CDH12: variants seen among roughly 807,000 people sequenced by gnomAD.
CDH12 encodes cadherin 12.
CDH12 carries 41 observed loss-of-function variants against 74.1 expected under a neutral mutation model. That is an observed-to-expected ratio of 0.55 (90% CI 0.43 to 0.72). The LOEUF is 0.72. Among genes scored for constraint, CDH12 ranks in the 30% least tolerant of loss-of-function variants. The pLI is 0.00. For synonymous variants in CDH12, 399 were observed against 355.0 expected (o/e 1.12, Z -1.39); for missense variants, 945 against 977.2 (o/e 0.97, Z 0.44).
In CDH12 at chr5:22,020,523, C is replaced by T. The variant is rs933317606; in HGVS notation, c.232-45138G>A. ...GAGCTGAGATGGTGCCACTGCACTA[C>T]AGCCTGGGTGACAAGAGTGAGACTT... On this transcript the variant is annotated intron_variant, in intron 5 of 14. Coordinates refer to ENST00000382254, the MANE Select transcript of CDH12 (RefSeq NM_004061.5). Among the ~76,000 whole-genome samples, 4 of 148,298 alleles carry T rather than the reference C, an allele frequency of 2.7e-5. No individual in the cohort carries two copies. The East Asian group carries it at 8.0e-4, about 30-fold the overall frequency.
chr5:22,522,062 T>G (rs965313332), intron 1 of CDH12, among the ~76,000 whole-genome samples: 1 of 152,224 alleles, frequency 6.6e-6, no homozygotes, highest in African/African-American at 2.4e-5. Context: ...TCTGATTATT[T>G]CTCATATCAA....
chr5:22,480,232 G>T (rs1278522027), intron 2 of CDH12, among the ~76,000 whole-genome samples: 3 of 151,786 alleles, frequency 2.0e-5, no homozygotes, highest in African/African-American at 7.3e-5. Flanking sequence ...AAGAGTTTTG[G>T]TTTTTGACTT....
intron 4 of CDH12, among the ~76,000 whole-genome samples, chr5:22,097,597 A>G (rs1743865094): frequency 6.6e-6 from 1 of 152,046 alleles, no homozygotes; most frequent in Admixed American, 6.6e-5. Context: ...TTCCCTTATT[A>G]GGCTGAGACA....
At chr5:22,326,321 G>GC (rs1329275475) in intron 3 of CDH12, among the ~76,000 whole-genome samples, 2 of 151,662 alleles carry the variant, frequency 1.3e-5, no homozygotes, top group Non-Finnish European at 2.9e-5. Flanking sequence ...TGCAGGCTCC[G>GC]CCCCCCGGGG....
At chr5:22,251,895 A>T (rs1753148563) in intron 3 of CDH12, among the ~76,000 whole-genome samples, 1 of 152,148 alleles carries the variant, frequency 6.6e-6, no homozygotes, top group Non-Finnish European at 1.5e-5. Flanking sequence ...TGATTAAGAT[A>T]TTTTAAAAAT....
chr5:22,091,469 T>G (rs1466374817), intron 4 of CDH12, among the ~76,000 whole-genome samples: 1 of 151,728 alleles, frequency 6.6e-6, no homozygotes, highest in African/African-American at 2.4e-5. Context: ...TAATAGTGTC[T>G]GAAAGATAAA....
At chr5:21,949,311 C>A (rs1054276049) in intron 6 of CDH12, among the ~76,000 whole-genome samples, 1 of 151,748 alleles carries the variant, frequency 6.6e-6, no homozygotes, top group East Asian at 2.0e-4. Context: ...TTAGCCAGGC[C>A]TGGTGGGGGG....
At chr5:22,424,463 T>A (rs1163554349) in intron 2 of CDH12, among the ~76,000 whole-genome samples, 1 of 152,134 alleles carries the variant, frequency 6.6e-6, no homozygotes, top group Non-Finnish European at 1.5e-5. Flanking sequence ...CTCAACTGAG[T>A]GGTAACTGGC....
chr5:21,956,292 A>G (rs1252286177), intron 6 of CDH12, among the ~76,000 whole-genome samples: 1 of 152,004 alleles, frequency 6.6e-6, no homozygotes, highest in Non-Finnish European at 1.5e-5. Context: ...TGCAAAAAAT[A>G]AGGGCACAAA....
At chr5:22,706,382 T>G (rs1221770979) in intron 1 of CDH12, among the ~76,000 whole-genome samples, 1 of 152,034 alleles carries the variant, frequency 6.6e-6, no homozygotes, top group Non-Finnish European at 1.5e-5. Context: ...TCATAATTCA[T>G]TCATAAATCA....
chr5:22,126,981 G>C (rs569145008), intron 4 of CDH12, among the ~76,000 whole-genome samples: 6 of 152,288 alleles, frequency 3.9e-5, no homozygotes, highest in Admixed American at 3.9e-4. Flanking sequence ...GAATGAGGAA[G>C]CGAACATGTG....
At chr5:21,866,944 T>C (rs1350696178) in intron 6 of CDH12, among the ~76,000 whole-genome samples, 1 of 152,106 alleles carries the variant, frequency 6.6e-6, no homozygotes, top group Non-Finnish European at 1.5e-5. Flanking sequence ...TGGTGCTCTG[T>C]GTCCCAGACA....
chr5:22,844,998 C>T (rs1737237562), intron 1 of CDH12, among the ~76,000 whole-genome samples: 1 of 152,142 alleles, frequency 6.6e-6, no homozygotes, highest in Non-Finnish European at 1.5e-5. Flanking sequence ...TTAAGGCAAA[C>T]TTGAAAGGCC....
In CDH12 at chr5:22,821,962, C is replaced by T. The variant is rs370029926; in HGVS notation, c.-523+31096G>A. Among the ~76,000 whole-genome samples, 57 of 151,980 alleles carry T rather than the reference C, an allele frequency of 3.8e-4. 1 individual carries two copies. The East Asian group carries it at 7.0e-3, about 19-fold the overall frequency. ...CAAAAGAACAAAGCTGGAGGCATCA[C>T]GCTACCTGACTTCAAACTATACTAC... On this transcript the variant is annotated intron_variant, in intron 1 of 14. Transcript: ENST00000382254.
At chr5:21,908,024 GA>G (rs1324302342) in intron 6 of CDH12, among the ~76,000 whole-genome samples, 2 of 152,192 alleles carry the variant, frequency 1.3e-5, no homozygotes, top group Non-Finnish European at 1.5e-5. Flanking sequence ...GACCTGTTGA[GA>G]AAATGGACAA....
At chr5:22,717,896 T>C (rs1278677212) in intron 1 of CDH12, among the ~76,000 whole-genome samples, 1 of 152,140 alleles carries the variant, frequency 6.6e-6, no homozygotes, top group African/African-American at 2.4e-5. Flanking sequence ...GCCTAAAAAC[T>C]AATATCTACA....
At chr5:22,535,340 T>C (rs1225915361) in intron 1 of CDH12, among the ~76,000 whole-genome samples, 2 of 151,798 alleles carry the variant, frequency 1.3e-5, no homozygotes, top group Non-Finnish European at 2.9e-5. Flanking sequence ...GTATTTTTAG[T>C]AGAGACGGGG....
At chr5:21,916,234 T>C (rs774451201) in intron 6 of CDH12, among the ~76,000 whole-genome samples, 1 of 152,190 alleles carries the variant, frequency 6.6e-6, no homozygotes, top group Non-Finnish European at 1.5e-5. Flanking sequence ...TATAGCCACA[T>C]ACATAAAACT....
chr5:22,845,515 T>C (rs1304914153), intron 1 of CDH12, among the ~76,000 whole-genome samples: 1 of 152,198 alleles, frequency 6.6e-6, no homozygotes, highest in Admixed American at 6.6e-5. Flanking sequence ...GCCCTCTATG[T>C]GCGACTATTA....
Sources: allele counts gnomAD v4.1 joint callset (sites outside exome capture counted in the v4.1 genomes callset), GRCh38; gene constraint gnomAD v4.1.1; transcripts MANE v1.5; gene names NCBI Gene and HGNC (gene_info 2026-07-23, HGNC 2026-07-21).